Variants in AP1G1 observed in about 807,000 individuals in gnomAD.
AP1G1 encodes AP-1 complex subunit gamma-1.
Under a neutral mutation model 108.3 loss-of-function variants are expected in AP1G1, and 7 were observed. The observed-to-expected ratio is 0.06, with a 90% CI of 0.04 to 0.12. The LOEUF (loss-of-function observed/expected upper bound fraction) is 0.12. Among genes scored for constraint, AP1G1 ranks in the 10% least tolerant of loss-of-function variants. The pLI is 1.00. For synonymous variants in AP1G1, 379 were observed against 353.5 expected, an observed-to-expected ratio of 1.07 and a Z score of -0.81; for missense variants, 756 against 1,010.7, an observed-to-expected ratio of 0.75 and a Z score of 3.42.
At chr16:71,747,414 A>T (rs2030239052) in intron 16 of AP1G1, 1 of 152,070 alleles carries the variant, frequency 6.6e-6, no homozygotes, top group Admixed American at 6.6e-5. Context: ...CCCCATCTCC[A>T]CCAAAAAATA....
At chr16:71,792,733 G>T (rs1320787878) in intron 1 of AP1G1, among the ~76,000 whole-genome samples, 2 of 152,034 alleles carry the variant, frequency 1.3e-5, no homozygotes, top group African/African-American at 4.8e-5. Flanking sequence ...GCACACCTGT[G>T]ATCCCAGCTC....
chr16:71,769,101 G>A (rs1412820358), intron 6 of AP1G1, among the ~76,000 whole-genome samples: 1 of 150,656 alleles, frequency 6.6e-6, no homozygotes, highest in Non-Finnish European at 1.5e-5. Context: ...TGGCCAACAT[G>A]GTGAAACCCC....
Position 71,740,005 on chromosome 16 carries a change from ACT to A in AP1G1, c.2000-666_2000-665del, listed in dbSNP as rs1390043792. ...GTGGAATTTAAAATTATAGTGAGAT[ACT>A]ACCTCATGTCTACCAGAATGGTGAA... is the stretch of plus-strand genomic sequence containing the variant. On this transcript the variant is annotated intron_variant, in intron 19 of 22. Coordinates refer to ENST00000299980, the MANE Select transcript of AP1G1 (RefSeq NM_001128.6). Among the ~76,000 whole-genome samples, 6 of 152,336 alleles carry A rather than the reference ACT, an allele frequency of 3.9e-5. No individual in the cohort carries two copies. In the East Asian group the frequency reaches 9.6e-4, roughly 24 times the overall value.
At chr16:71,750,984 G>A (rs1265613874) in intron 13 of AP1G1, among the ~76,000 whole-genome samples, 5 of 151,108 alleles carry the variant, frequency 3.3e-5, no homozygotes, top group Admixed American at 1.3e-4. Flanking sequence ...ATGAAACCCC[G>A]TCTCTACTAA....
At chr16:71,739,155 AATT>A in intron 20 of AP1G1, 53 bp from the exon 21 acceptor site, 1 of 1,610,454 alleles carries the variant, frequency 6.2e-7, no homozygotes, top group Non-Finnish European at 8.5e-7. Context: ...ATGCTTGCAG[AATT>A]ATTACTTCTT....
chr16:71,760,542 T>C (rs1188448388), intron 10 of AP1G1, among the ~76,000 whole-genome samples: 4 of 131,604 alleles, frequency 3.0e-5, no homozygotes, highest in South Asian at 5.1e-4. Context: ...CGAAACTCCA[T>C]CTCAAAAAAA....
chr16:71,772,475 A>G (rs371315750), intron 4 of AP1G1, among the ~76,000 whole-genome samples: 3 of 152,168 alleles, frequency 2.0e-5, no homozygotes, highest in Non-Finnish European at 2.9e-5. Flanking sequence ...TAATATGACA[A>G]TGAGCTTTCT....
chr16:71,751,017 A>G (rs903762905), intron 13 of AP1G1, among the ~76,000 whole-genome samples: 2 of 151,378 alleles, frequency 1.3e-5, no homozygotes, highest in African/African-American at 2.4e-5. Flanking sequence ...TTAGCCGGGC[A>G]TGTGGTGGGT....
chr16:71,745,582 T>C lies in AP1G1; in HGVS notation c.1763A>G (p.Glu588Gly). The C allele has an allele frequency of 6.2e-7, 1 of 1,614,228 alleles. No homozygotes were observed. Among genetic ancestry groups the C allele is most frequent in the Non-Finnish European group, 8.5e-7 (1 of 1,180,036 alleles). ...SALLERMPVM[E>G]KVTTNGPTEI... ...AGTAGGGCCATTTGTGGTCACTTTT[T>C]CCATGACAGGCATTCTCTCAAGTAG... Residue 588 changes from glutamate to glycine, a missense_variant, in exon 18 of 23, where the codon GAA (glutamate) becomes GGA (glycine). Physicochemically the swap from Glu to Gly is moderately conservative, Grantham distance 98 (BLOSUM62 -2). This residue lies in a region of AP1G1 where 357 missense variants were observed against 366.5 expected (regional missense o/e 0.97). Transcript: ENST00000299980.
intron 1 of AP1G1, among the ~76,000 whole-genome samples, chr16:71,805,928 G>C (rs1344456435): frequency 6.6e-6 from 1 of 151,986 alleles, no homozygotes; most frequent in Non-Finnish European, 1.5e-5. Flanking sequence ...GGCTGAGGCA[G>C]GAGGATCGCT....
chr16:71,757,899 G>A (rs990344509), intron 11 of AP1G1, among the ~76,000 whole-genome samples: 3 of 152,186 alleles, frequency 2.0e-5, no homozygotes, highest in Non-Finnish European at 4.4e-5. Context: ...TGATCCCCAT[G>A]GGACTGAATT....
intron 3 of AP1G1, chr16:71,774,198 T>G: frequency 3.1e-6 from 1 of 325,034 alleles, no homozygotes; most frequent in Non-Finnish European, 5.6e-6. Context: ...GCCAACATGG[T>G]GAAACCCCGT....
At chr16:71,766,780 C>T (rs1379334416) in intron 6 of AP1G1, among the ~76,000 whole-genome samples, 1 of 152,118 alleles carries the variant, frequency 6.6e-6, no homozygotes, top group Non-Finnish European at 1.5e-5. Context: ...CTTATAAACA[C>T]AAGAAAACAC....
At chr16:71,779,990 TTTTTG>T in intron 2 of AP1G1, among the ~76,000 whole-genome samples, 1 of 147,930 alleles carries the variant, frequency 6.8e-6, no homozygotes, top group African/African-American at 2.5e-5. Context: ...TTTCAGTTTT[TTTTTG>T]TTTTTTTTTT....
intron 1 of AP1G1, among the ~76,000 whole-genome samples, chr16:71,792,894 A>C (rs2032456868): frequency 6.6e-6 from 1 of 151,500 alleles, no homozygotes; most frequent in African/African-American, 2.4e-5. Context: ...GAGGCTGGGC[A>C]CGGTGGCTCA....
chr16:71,775,400 T>C (rs971186426), intron 2 of AP1G1, among the ~76,000 whole-genome samples: 6 of 152,198 alleles, frequency 3.9e-5, no homozygotes, highest in Admixed American at 3.3e-4. Flanking sequence ...AATCAAGTTC[T>C]AGAACAGATC....
intron 8 of AP1G1, 51 bp downstream of exon 8, chr16:71,764,595 C>T (rs765668381): frequency 4.3e-6 from 6 of 1,410,848 alleles, no homozygotes; most frequent in Admixed American, 2.3e-5. Context: ...AATCATTCTA[C>T]TCCCAGCGAA....
At chr16:71,751,264 G>C in intron 13 of AP1G1, 1 of 151,736 alleles carries the variant, frequency 6.6e-6, no homozygotes, top group Non-Finnish European at 1.5e-5. Flanking sequence ...CAAGATGACT[G>C]CTTGAGGCCA....
intron 16 of AP1G1, 190 bp from the exon 17 acceptor site, chr16:71,746,882 CT>C: frequency 2.2e-6 from 1 of 447,234 alleles, no homozygotes; most frequent in South Asian, 3.0e-5. Context: ...TTATACTATT[CT>C]CATTGTAACA....
Sources: allele counts gnomAD v4.1 joint callset (sites outside exome capture counted in the v4.1 genomes callset), GRCh38; gene constraint gnomAD v4.1.1; regional missense constraint gnomAD v4.1.1; transcripts MANE v1.5; gene names NCBI Gene and HGNC (gene_info 2026-07-23, HGNC 2026-07-21).